Variants in ARHGAP39 observed in about 807,000 individuals in gnomAD.
ARHGAP39 encodes rho GTPase-activating protein 39.
Under a neutral mutation model 106.9 loss-of-function variants are expected in ARHGAP39, and 44 were observed. The observed-to-expected ratio is 0.41, with a 90% CI of 0.32 to 0.53. The LOEUF (loss-of-function observed/expected upper bound fraction) is 0.53. Among genes scored for constraint, ARHGAP39 ranks in the 20% least tolerant of loss-of-function variants. The pLI is 0.21. For synonymous variants in ARHGAP39, 768 were observed against 693.2 expected, an observed-to-expected ratio of 1.11 and a Z score of -1.69; for missense variants, 1,496 against 1,577.3, an observed-to-expected ratio of 0.95 and a Z score of 0.87.
chr8:144,597,110 G>A (rs1819651477), intron 2 of ARHGAP39, among the ~76,000 whole-genome samples: 1 of 152,222 alleles, frequency 6.6e-6, no homozygotes, highest in African/African-American at 2.4e-5. Flanking sequence ...GACAGAGGAG[G>A]GACCTGGCTG....
intron 1 of ARHGAP39, 52 bp from the exon 2 acceptor site, chr8:144,605,747 C>T: frequency 2.4e-6 from 2 of 840,840 alleles, no homozygotes; most frequent in Admixed American, 4.2e-5. Context: ...CTCACCACAC[C>T]AATCACCCGG....
At chr8:144,698,440 A>T in the ARHGAP39 span, among the ~76,000 whole-genome samples, 1 of 152,190 alleles carries the variant, frequency 6.6e-6, no homozygotes, top group African/African-American at 2.4e-5. Flanking sequence ...TTACAGACAG[A>T]AGGCTTCGTA....
Position 144,668,607 on chromosome 8 carries a change from G to C in ARHGAP39, c.-82+17079C>G, listed in dbSNP as rs141000132. Among the ~76,000 whole-genome samples the C allele has an allele frequency of 2.0e-5, 3 of 152,200 alleles. No individual in the cohort carries two copies. In the East Asian group the frequency reaches 5.8e-4, roughly 29 times the overall value. The stretch of plus-strand genomic sequence containing the variant: ...ATATTTAGGAATCAATTTAACAAAA[G>C]AAATGCACTTATATACTGAAAACTA... On this transcript the variant is annotated intron_variant, in intron 1 of 11. Coordinates refer to ENST00000377307, the MANE Select transcript of ARHGAP39 (RefSeq NM_025251.3).
Position 144,650,939 on chromosome 8 carries a change from G to C in ARHGAP39, c.-82+34747C>G, listed in dbSNP as rs545885705. 3.9e-5 allele frequency among the ~76,000 whole-genome samples: 6 copies of C among 152,224 alleles called. No homozygotes were observed. In the South Asian group the frequency reaches 1.2e-3, roughly 32 times the overall value. On this transcript the variant is annotated intron_variant, in intron 1 of 11. Transcript: ENST00000377307. Reference sequence around the variant, plus strand: ...AAGGAAATAAAGGGCATCCAAATAGGGAGAGAGGAGGTCAAACTATCCCTG... The same window carrying C: ...AAGGAAATAAAGGGCATCCAAATAGCGAGAGAGGAGGTCAAACTATCCCTG...
At chr8:144,688,452 C>G (rs1226017769), upstream of ARHGAP39, among the ~76,000 whole-genome samples, 3 of 152,156 alleles carry the variant, frequency 2.0e-5, no homozygotes, top group Non-Finnish European at 4.4e-5. Context: ...CTAAAGTCCC[C>G]ACTAATGGAG....
At chr8:144,578,315 A>G (rs112320250) in intron 3 of ARHGAP39, among the ~76,000 whole-genome samples, 15,773 of 151,884 alleles carry the variant, frequency 0.1, 2,008 homozygotes, top group African/African-American at 0.3. Flanking sequence ...TGCAACCTCC[A>G]CCTCCTGGCT....
At position 144,604,804 on chromosome 8, in the gene ARHGAP39, C is replaced by T. The variant is rs1423465912; in HGVS notation, c.80+731G>A. Among the ~76,000 whole-genome samples, 8 of 152,146 alleles carry T rather than the reference C, an allele frequency of 5.3e-5. No homozygotes were observed. Among genetic ancestry groups the T allele is most frequent in the South Asian group, 2.1e-4 (1 of 4,834 alleles). ...CAAGCGTCCTGGGCTACCTGGAAGA[C>T]GTCCTGAGGGAGCTCACGCTCTCAC... is the stretch of plus-strand genomic sequence containing the variant. On this transcript the variant is annotated intron_variant, in intron 2 of 11. Transcript: ENST00000377307. The surrounding 1 kb of genome is among the most constrained non-coding windows in gnomAD (Gnocchi z 4.1).
intron 2 of ARHGAP39, among the ~76,000 whole-genome samples, chr8:144,602,446 C>T (rs114251259): frequency 0.033 from 4,143 of 127,080 alleles, 205 homozygotes; most frequent in East Asian, 0.14. Flanking sequence ...TGGAGTTGTG[C>T]GTGCGAGCTC....
intron 1 of ARHGAP39, among the ~76,000 whole-genome samples, chr8:144,613,778 A>T (rs939267763): frequency 1.3e-5 from 2 of 152,236 alleles, no homozygotes; most frequent in Non-Finnish European, 2.9e-5. Flanking sequence ...AGAAAAAAGA[A>T]AGATGGTCAG....
chr8:144,600,720 C>T (rs1819857837), intron 2 of ARHGAP39, among the ~76,000 whole-genome samples: 1 of 142,296 alleles, frequency 7.0e-6, no homozygotes, highest in Non-Finnish European at 1.5e-5. Context: ...ACTTGTGTAC[C>T]TGAGTGTGCG....
At chr8:144,581,739 C>T (rs1819000361) in intron 2 of ARHGAP39, among the ~76,000 whole-genome samples, 3 of 152,212 alleles carry the variant, frequency 2.0e-5, no homozygotes, top group Non-Finnish European at 4.4e-5. Flanking sequence ...CTGCTGGACT[C>T]CCAAGCTGTG....
chr8:144,548,174 C>T lies in ARHGAP39; in HGVS notation c.912G>A (p.Pro304=), dbSNP rs770442225. ...KPSGDSQPSS[P]RYGYEPPLYE... ...AGAGCGGGGGTTCATAGCCATAGCGCGGGGAGGAGGGCTGCGAGTCCCCGG... is the reference window on the plus strand; with the variant it reads ...AGAGCGGGGGTTCATAGCCATAGCGTGGGGAGGAGGGCTGCGAGTCCCCGG... The change falls in exon 5 of 12, where the codon CCG becomes CCA. Residue 304 remains proline (P), a synonymous_variant. Coordinates refer to ENST00000377307, the MANE Select transcript of ARHGAP39 (RefSeq NM_025251.3). This position sits in a 1 kb window ranked among gnomAD's most constrained non-coding sequence, Gnocchi z 7.4. 8 of 1,576,366 alleles carry T rather than the reference C, an allele frequency of 5.1e-6. No individual in the cohort carries two copies. In the East Asian group the frequency reaches 1.6e-4, roughly 31 times the overall value.
At chr8:144,588,609 C>G (rs558070773) in intron 2 of ARHGAP39, among the ~76,000 whole-genome samples, 2 of 152,200 alleles carry the variant, frequency 1.3e-5, no homozygotes, top group East Asian at 1.9e-4. Flanking sequence ...GCCCAGGGCC[C>G]GAAGGGGAAG....
intron 3 of ARHGAP39, among the ~76,000 whole-genome samples, chr8:144,561,332 T>C (rs1312484604): frequency 6.6e-6 from 1 of 152,026 alleles, no homozygotes; most frequent in Non-Finnish European, 1.5e-5. Context: ...ACCCCAGTGC[T>C]TTCCATCACA....
chr8:144,655,776 G>A (rs190855254), intron 1 of ARHGAP39, among the ~76,000 whole-genome samples: 199 of 152,242 alleles, frequency 1.3e-3, no homozygotes, highest in African/African-American at 4.6e-3. Context: ...ACTAGCCACC[G>A]AGGTTTCTGG....
At chr8:144,620,511 G>A (rs1257522893) in intron 1 of ARHGAP39, among the ~76,000 whole-genome samples, 4 of 151,638 alleles carry the variant, frequency 2.6e-5, no homozygotes, top group African/African-American at 9.7e-5. Context: ...GGGAGCACGT[G>A]TGCCCGTGTG....
chr8:144,642,509 A>G (rs1563720665), intron 1 of ARHGAP39, among the ~76,000 whole-genome samples: 2 of 150,118 alleles, frequency 1.3e-5, no homozygotes, highest in African/African-American at 4.9e-5. Flanking sequence ...ATAGATAAAA[A>G]TTAAAAAAAA....
chr8:144,603,117 A>G (rs1233488916), intron 2 of ARHGAP39, among the ~76,000 whole-genome samples: 8 of 69,362 alleles, frequency 1.2e-4, no homozygotes, highest in South Asian at 5.4e-4. Context: ...GTGTGCGTGG[A>G]GGCGTGTGTG....
chr8:144,605,429 A>G (rs895229539), intron 2 of ARHGAP39, 106 bp downstream of exon 2: 42 of 1,234,880 alleles, frequency 3.4e-5, no homozygotes, highest in Non-Finnish European at 4.2e-5. Context: ...CGACGAATCC[A>G]TTCTCCACGG....
Sources: gnomAD v4.1 joint callset for allele counts (sites outside exome capture counted in the v4.1 genomes callset) on GRCh38, gnomAD v4.1.1 for gene constraint, Gnocchi (gnomAD v3.1) non-coding constraint, MANE v1.5 for transcripts, NCBI Gene and HGNC (gene_info 2026-07-23, HGNC 2026-07-21) for gene names.